Variants in TCTN1 observed in about 807,000 individuals in gnomAD.
The protein encoded by TCTN1 is tectonic-1.
Under a neutral mutation model 65.8 loss-of-function variants are expected in TCTN1, and 58 were observed. The ratio of observed to expected loss-of-function variants is 0.88; its 90% confidence interval spans 0.71 to 1.10. The LOEUF (loss-of-function observed/expected upper bound fraction) is 1.10. Among genes scored for constraint, TCTN1 ranks in the 50% least tolerant of loss-of-function variants. The pLI, the probability that TCTN1 is intolerant of heterozygous loss-of-function variation, is 0.00. For missense variants in TCTN1, 645 were observed against 719.4 expected, an observed-to-expected ratio of 0.90 and a Z score of 1.18; for synonymous variants, 273 against 289.1, an observed-to-expected ratio of 0.94 and a Z score of 0.57.
At chr12:110,615,021 G>A (rs959773749) in intron 1 of TCTN1, among the ~76,000 whole-genome samples, 2 of 152,216 alleles carry the variant, frequency 1.3e-5, no homozygotes, top group Non-Finnish European at 2.9e-5. Flanking sequence ...GGCTGGCGCC[G>A]TGGCTCACGC....
rs1240362273 is a variant in TCTN1 at position 110,640,454 on chromosome 12, T to C, written c.915T>C (p.Asp305=). 1.9e-6 allele frequency: 3 copies of C among 1,614,242 alleles called. No homozygotes were observed. The highest frequency in any genetic ancestry group is 1.3e-5 in the African/African-American group (1 of 75,064). ...CGCTCACCCGACGGGAGGACACTGATGTGCTGCAGCCGACTCTCGTCAACG... is the reference window on the plus strand; with the variant it reads ...CGCTCACCCGACGGGAGGACACTGACGTGCTGCAGCCGACTCTCGTCAACG... ...NKTLTRREDT[D]VLQPTLVNAG... is the part of the protein sequence containing the mutation. The change falls in exon 8 of 15, where the codon GAT becomes GAC. Residue 305 remains aspartate (D), a synonymous_variant. Coordinates refer to ENST00000397659, the MANE Select transcript of TCTN1 (RefSeq NM_001082538.3). This position sits in a 1 kb window ranked among gnomAD's most constrained non-coding sequence, Gnocchi z 4.9.
rs576470667 is a variant in TCTN1, at chr12:110,638,345, A to ATAG, written c.843+1848_843+1850dup. On this transcript the variant is annotated intron_variant, in intron 7 of 14. Transcript: ENST00000397659. The stretch of plus-strand genomic sequence containing the variant: ...CTCTAAAGGACAAGCATGTAAACTA[A>ATAG]TAGTAGGAATTTGTTTAAAATTTTC... Among the ~76,000 whole-genome samples the ATAG allele has an allele frequency of 1.2e-4, 18 of 152,338 alleles. No individual in the cohort carries two copies. In the East Asian group the frequency reaches 2.1e-3, roughly 18 times the overall value.
chr12:110,640,243 C>A lies in TCTN1; in HGVS notation c.844-140C>A. ...GTTTATTACTTTTGCAAATGTGGAT[C>A]ATAGTATATACACTGTTGTGTAGCA... On this transcript the variant is annotated intron_variant, in intron 7 of 14. Transcript: ENST00000397659. This position sits in a 1 kb window ranked among gnomAD's most constrained non-coding sequence, Gnocchi z 4.9. 2.1e-6 allele frequency: 2 copies of A among 953,742 alleles called. No individual in the cohort carries two copies. Among genetic ancestry groups the A allele is most frequent in the Non-Finnish European group, 3.3e-6 (2 of 608,872 alleles). 59.1% of individuals were successfully genotyped at this position (953,742 alleles called of 1,614,324 possible).
intron 6 of TCTN1, chr12:110,635,740 G>A (rs1399623288): frequency 1.3e-5 from 2 of 152,374 alleles, no homozygotes; most frequent in Non-Finnish European, 2.9e-5. Context: ...CAGGGGTAGG[G>A]TGGTTCATGG....
chr12:110,640,545 T>G lies in TCTN1; in HGVS notation c.978+28T>G, dbSNP rs2066887659. The G allele has an allele frequency of 1.2e-6, 2 of 1,614,050 alleles. No individual in the cohort carries two copies. Among genetic ancestry groups the G allele is most frequent in the East Asian group, 4.5e-5 (2 of 44,886 alleles). ...AGGTGCCGAGTTTGGCTTTGAGAGC[T>G]TGTCTGTGGCAGACTTAAGCCTCTT... On this transcript the variant is annotated intron_variant, in intron 8 of 14. Transcript: ENST00000397659. This position sits in a 1 kb window ranked among gnomAD's most constrained non-coding sequence, Gnocchi z 4.9.
Position 110,632,473 on chromosome 12 carries a change from A to G in TCTN1, c.626A>G (p.Tyr209Cys), listed in dbSNP as rs201805622. 3.1e-6 allele frequency: 5 copies of G among 1,613,732 alleles called. No individual in the cohort carries two copies. The highest frequency in any genetic ancestry group is 1.3e-5 in the African/African-American group (1 of 74,914). The change falls in exon 5 of 15, where the codon TAT becomes TGT. Residue 209 changes from tyrosine to cysteine, a missense_variant and splice_region_variant. By Grantham distance (194) the Tyr-to-Cys change is radical. Transcript: ENST00000397659. ...LDIPTAAKYE[Y>C]GVPLQTSDSF... ...GACTGTTGGTTGTTGTGTTTGCAGTATGGGGTTCCTCTGCAGACTTCAGAT... is the reference window on the plus strand; with the variant it reads ...GACTGTTGGTTGTTGTGTTTGCAGTGTGGGGTTCCTCTGCAGACTTCAGAT...
In TCTN1 at chr12:110,626,363, G is replaced by T; in HGVS notation, c.343G>T (p.Gly115Cys). ...TATTATTATTTTTTTAATTTTCAGG[G>T]GCGACAGCCAGTTTTGTAGTCAAAA... ...FSACSVPVVT[G>C]DSQFCSQKAV... is the part of the protein sequence containing the mutation. Residue 115 changes from glycine (G) to cysteine (C), a missense_variant and splice_region_variant, in exon 3 of 15, where the codon GGC becomes TGC. Physicochemically the swap from Gly to Cys is radical, Grantham distance 159. Coordinates refer to ENST00000397659, the MANE Select transcript of TCTN1 (RefSeq NM_001082538.3). The T allele has an allele frequency of 6.4e-7, 1 of 1,574,460 alleles. No individual in the cohort carries two copies. Among genetic ancestry groups the T allele is most frequent in the African/African-American group, 1.3e-5 (1 of 74,074 alleles).
chr12:110,615,820 A>C (rs2064998100), intron 1 of TCTN1, among the ~76,000 whole-genome samples: 1 of 152,152 alleles, frequency 6.6e-6, no homozygotes, highest in South Asian at 2.1e-4. Context: ...CAAATTGATT[A>C]AGGCTCAGTA....
chr12:110,630,283 G>A (rs1279020474), intron 4 of TCTN1: 2 of 152,178 alleles, frequency 1.3e-5, no homozygotes, highest in Non-Finnish European at 2.9e-5. Context: ...TGTTTATTCT[G>A]TGATAAACTT....
chr12:110,619,759 G>C, intron 1 of TCTN1, 77 bp from the exon 2 acceptor site: 1 of 1,605,042 alleles, frequency 6.2e-7, no homozygotes, highest in East Asian at 2.2e-5. Context: ...ATTGACTTAT[G>C]GTACACTGTG....
chr12:110,642,075 T>G, intron 10 of TCTN1, 174 bp from the exon 11 acceptor site: 1 of 753,300 alleles, frequency 1.3e-6, no homozygotes, highest in Non-Finnish European at 2.2e-6. Flanking sequence ...AATCCATTTA[T>G]TAAGGAAAAT....
At chr12:110,633,405 G>A (rs1363767429) in intron 5 of TCTN1, among the ~76,000 whole-genome samples, 6 of 152,184 alleles carry the variant, frequency 3.9e-5, no homozygotes, top group Non-Finnish European at 8.8e-5. Flanking sequence ...ACTTTGGGAG[G>A]CTGAGGTGGG....
At chr12:110,633,389 C>T (rs2066355551) in intron 5 of TCTN1, among the ~76,000 whole-genome samples, 1 of 152,184 alleles carries the variant, frequency 6.6e-6, no homozygotes, top group South Asian at 2.1e-4. Flanking sequence ...TGCCTGTAAT[C>T]CCAGCACTTT....
intron 1 of TCTN1, among the ~76,000 whole-genome samples, chr12:110,619,106 A>G (rs1379195260): frequency 6.6e-6 from 1 of 152,110 alleles, no homozygotes; most frequent in Admixed American, 6.6e-5. Flanking sequence ...TGAACCCAGG[A>G]GGTGGAGGTT....
At position 110,644,830 on chromosome 12, in the gene TCTN1, C is replaced by T; in HGVS notation, c.1332-137C>T. 8.9e-7 allele frequency: 1 copy of T among 1,118,514 alleles called. No homozygotes were observed. The highest frequency in any genetic ancestry group is 2.4e-5 in the East Asian group (1 of 41,986). The allele number at this position is 1,118,514 out of a possible 1,614,324, so 69.3% of individuals were successfully genotyped here. A position where few individuals can be genotyped will look rare whatever the true frequency, so the allele number is the denominator to read the frequency against. On this transcript the variant is annotated intron_variant, in intron 11 of 14. Transcript: ENST00000397659. The surrounding 1 kb of genome is among the most constrained non-coding windows in gnomAD (Gnocchi z 4.6). ...GCAGGGAGCTATGATGGTGCCACTG[C>T]ACTCCAGCTTGGGCATCAGAGTGAG...
Position 110,640,134 on chromosome 12 carries a change from G to A in TCTN1, c.844-249G>A, listed in dbSNP as rs1418988725. On this transcript the variant is annotated intron_variant, in intron 7 of 14. Coordinates refer to ENST00000397659, the MANE Select transcript of TCTN1 (RefSeq NM_001082538.3). This position sits in a 1 kb window ranked among gnomAD's most constrained non-coding sequence, Gnocchi z 4.9. ...TGTGAACATTTGTGTACAAGTTTTT[G>A]TGTAAACTTTATGTTTTCAGAGGTA... 2.0e-5 allele frequency among the ~76,000 whole-genome samples: 3 copies of A among 152,166 alleles called. No homozygotes were observed. In the South Asian group the frequency reaches 6.2e-4, roughly 32 times the overall value.
intron 3 of TCTN1, 107 bp downstream of exon 3, chr12:110,626,599 A>T: frequency 1.6e-6 from 2 of 1,245,648 alleles, no homozygotes; most frequent in Non-Finnish European, 2.2e-6. Context: ...GGTTTTTTTG[A>T]GACAGAGTCT....
rs539885779 is a variant in TCTN1 at position 110,647,403 on chromosome 12, G to A, written c.1635+67G>A. 1.9e-6 allele frequency: 3 copies of A among 1,587,648 alleles called. No individual in the cohort carries two copies. The South Asian group carries it at 3.3e-5, about 18-fold the overall frequency. The stretch of plus-strand genomic sequence containing the variant: ...TCTAGACACAACTCAAGTGTGGTAG[G>A]TGACAGGTATTACTTTGTGAAAAAG... On this transcript the variant is annotated intron_variant, in intron 13 of 14. Coordinates refer to ENST00000397659, the MANE Select transcript of TCTN1 (RefSeq NM_001082538.3).
At chr12:110,648,661 T>TTAATTATAG (rs2067580300) in intron 14 of TCTN1, 3 of 184,904 alleles carry the variant, frequency 1.6e-5, no homozygotes, top group Non-Finnish European at 3.3e-5. Context: ...AAATACCTTG[T>TTAATTATAG]TAATTATAGT....
Sources: gnomAD v4.1 joint callset for allele counts (sites outside exome capture counted in the v4.1 genomes callset) on GRCh38, gnomAD v4.1.1 for gene constraint, Gnocchi (gnomAD v3.1) non-coding constraint, MANE v1.5 for transcripts, NCBI Gene and HGNC (gene_info 2026-07-23, HGNC 2026-07-21) for gene names.